RIPOR2: variants seen among roughly 807,000 people sequenced by gnomAD.
RIPOR2 encodes RHO family interacting cell polarization regulator 2, also known as rho family-interacting cell polarization regulator 2.
In RIPOR2, 39 loss-of-function variants were observed where a neutral mutation model predicts 114.5. That is an observed-to-expected ratio of 0.34 (90% CI 0.26 to 0.44). The LOEUF (loss-of-function observed/expected upper bound fraction) is 0.44, where lower values mean the gene tolerates loss of function less well. RIPOR2 is among the 20% of genes least tolerant of loss of function. The probability of loss-of-function intolerance (pLI) is 1.00; values close to 1 mark genes in which losing one functional copy is unlikely to be tolerated. For synonymous variants in RIPOR2, 445 were observed against 484.4 expected, an observed-to-expected ratio of 0.92 and a Z score of 1.07; for missense variants, 1,007 against 1,255.1, an observed-to-expected ratio of 0.80 and a Z score of 2.99.
intron 1 of RIPOR2, among the ~76,000 whole-genome samples, chr6:24,917,554 G>C (rs1770172469): frequency 6.6e-6 from 1 of 152,038 alleles, no homozygotes; most frequent in Non-Finnish European, 1.5e-5. Context: ...TCTTGAGACG[G>C]AGTCTTGCTC....
At chr6:24,865,968 G>A (rs1764561889) in intron 6 of RIPOR2, among the ~76,000 whole-genome samples, 1 of 152,066 alleles carries the variant, frequency 6.6e-6, no homozygotes, top group South Asian at 2.1e-4. Flanking sequence ...AGTATCCTAG[G>A]CTAATATCAC....
chr6:24,818,475 T>G, intron 20 of RIPOR2, 67 bp downstream of exon 20: 1 of 890,526 alleles, frequency 1.1e-6, no homozygotes, highest in Non-Finnish European at 1.7e-6. Context: ...AGAAAAGCTG[T>G]TATATACACT....
intron 1 of RIPOR2, among the ~76,000 whole-genome samples, chr6:24,959,717 C>A (rs971197683): frequency 4.6e-5 from 7 of 152,182 alleles, no homozygotes; most frequent in Non-Finnish European, 1.0e-4. Context: ...CATGAGCATA[C>A]CCCAATTAGC....
At chr6:24,821,008 G>A (rs1217592159) in intron 19 of RIPOR2, among the ~76,000 whole-genome samples, 3 of 150,952 alleles carry the variant, frequency 2.0e-5, no homozygotes, top group African/African-American at 7.3e-5. Context: ...GAGTAGCTGG[G>A]ATTATAGGTG....
chr6:24,864,173 A>G (rs1764354837), intron 7 of RIPOR2, among the ~76,000 whole-genome samples: 1 of 152,014 alleles, frequency 6.6e-6, no homozygotes, highest in Admixed American at 6.6e-5. Context: ...GTGTGGTGGC[A>G]CACACCTGTA....
intron 1 of RIPOR2, among the ~76,000 whole-genome samples, chr6:24,933,338 G>A (rs1057422564): frequency 2.0e-5 from 3 of 152,194 alleles, no homozygotes; most frequent in Admixed American, 2.0e-4. Context: ...TTTTATAAGT[G>A]AGTAAACTGA....
At chr6:24,977,894 T>C (rs1285899287) in intron 1 of RIPOR2, among the ~76,000 whole-genome samples, 1 of 152,190 alleles carries the variant, frequency 6.6e-6, no homozygotes, top group Non-Finnish European at 1.5e-5. Context: ...CAAAGGATTT[T>C]GGGTGGCCAG....
chr6:24,883,840 G>A lies in RIPOR2; in HGVS notation c.62-8023C>T, dbSNP rs1212152440. On this transcript the variant is annotated intron_variant, in intron 1 of 21. Transcript: ENST00000643898. The surrounding 1 kb of genome is among the most constrained non-coding windows in gnomAD (Gnocchi z 4.1). ...AGTCATTTCTTCATGCCCGATTTGGGTTCTTCCTTTCTTTTTCCCCTAACA... is the reference window on the plus strand; with the variant it reads ...AGTCATTTCTTCATGCCCGATTTGGATTCTTCCTTTCTTTTTCCCCTAACA... Among the ~76,000 whole-genome samples, 4 of 152,084 alleles carry A rather than the reference G, an allele frequency of 2.6e-5. No individual in the cohort carries two copies. Among genetic ancestry groups the A allele is most frequent in the African/African-American group, 9.7e-5 (4 of 41,402 alleles).
chr6:24,891,271 G>T (rs1049594276), intron 1 of RIPOR2, among the ~76,000 whole-genome samples: 4 of 152,158 alleles, frequency 2.6e-5, no homozygotes, highest in African/African-American at 9.7e-5. Context: ...TGGTTTCATT[G>T]CTGGTTCTAA....
At chr6:25,031,802 TA>T (rs1776995812) in intron 1 of RIPOR2, among the ~76,000 whole-genome samples, 1 of 138,530 alleles carries the variant, frequency 7.2e-6, no homozygotes, top group African/African-American at 2.6e-5. Context: ...AGAATATATA[TA>T]ATATCCATAG....
At chr6:24,904,693 G>C (rs1768793018) in intron 1 of RIPOR2, among the ~76,000 whole-genome samples, 1 of 152,212 alleles carries the variant, frequency 6.6e-6, no homozygotes, top group East Asian at 1.9e-4. Context: ...TGCTTTTTCT[G>C]TAGTGGCTTC....
At chr6:24,957,669 C>T (rs1435131224) in intron 1 of RIPOR2, among the ~76,000 whole-genome samples, 4 of 152,074 alleles carry the variant, frequency 2.6e-5, no homozygotes, top group African/African-American at 4.8e-5. Context: ...GTCAGGAGAT[C>T]GAGACCATCC....
intron 1 of RIPOR2, among the ~76,000 whole-genome samples, chr6:24,967,258 T>C (rs1480874091): frequency 6.6e-6 from 1 of 152,212 alleles, no homozygotes. Context: ...TTCACAGGAC[T>C]CTGGGCATGT....
chr6:24,913,950 G>A (rs1046052487), intron 1 of RIPOR2, among the ~76,000 whole-genome samples: 1 of 152,066 alleles, frequency 6.6e-6, no homozygotes, highest in Non-Finnish European at 1.5e-5. Context: ...GCTCTTTCAG[G>A]CCAATGAAAA....
At chr6:24,946,117 C>G (rs1413509735) in intron 1 of RIPOR2, among the ~76,000 whole-genome samples, 4 of 151,054 alleles carry the variant, frequency 2.6e-5, no homozygotes, top group Non-Finnish European at 5.9e-5. Flanking sequence ...GAGTCTTACT[C>G]TGTTGCCCAG....
intron 1 of RIPOR2, chr6:25,023,463 G>GC (rs1776429698): frequency 1.3e-6 from 1 of 767,572 alleles, no homozygotes; most frequent in Admixed American, 1.7e-5. Context: ...CCTCCCACTT[G>GC]CCCCTAGGAC....
At chr6:24,920,565 A>G (rs1481256684) in intron 1 of RIPOR2, among the ~76,000 whole-genome samples, 2 of 152,204 alleles carry the variant, frequency 1.3e-5, no homozygotes, top group African/African-American at 4.8e-5. Context: ...ATATAGCCCA[A>G]TCCCTATAAG....
chr6:25,010,956 G>A (rs1561842032), intron 1 of RIPOR2, among the ~76,000 whole-genome samples: 1 of 152,194 alleles, frequency 6.6e-6, no homozygotes, highest in Non-Finnish European at 1.5e-5. Flanking sequence ...ATAAAGAATG[G>A]CTTCTCTGCC....
chr6:24,809,602 G>T, intron 21 of RIPOR2, 115 bp downstream of exon 21: 1 of 714,704 alleles, frequency 1.4e-6, no homozygotes. Flanking sequence ...CGGGGAAACT[G>T]CTAAACAGGG....
Sources: allele counts gnomAD v4.1 joint callset (sites outside exome capture counted in the v4.1 genomes callset), GRCh38; gene constraint gnomAD v4.1.1; non-coding constraint Gnocchi (gnomAD v3.1); transcripts MANE v1.5; gene names NCBI Gene and HGNC (gene_info 2026-07-23, HGNC 2026-07-21).